RADIL: variants seen among roughly 807,000 people sequenced by gnomAD.
RADIL encodes the protein ras-associating and dilute domain-containing protein.
In RADIL, 99 loss-of-function variants were observed where a neutral mutation model predicts 97.6. That is an observed-to-expected ratio of 1.01 (90% CI 0.86 to 1.20). The LOEUF (loss-of-function observed/expected upper bound fraction) is 1.20. RADIL is among the 50% of genes most tolerant of loss of function. The pLI is 0.00. For synonymous variants in RADIL, 803 were observed against 691.8 expected (o/e 1.16, Z -2.52); for missense variants, 1,765 against 1,498.9 (o/e 1.18, Z -2.93).
rs1784405512 is a variant in RADIL, at chr7:4,877,802, C to G, written c.338G>C (p.Cys113Ser). 1 of 1,610,944 alleles carries G rather than the reference C, an allele frequency of 6.2e-7. No individual in the cohort carries two copies. The highest frequency in any genetic ancestry group is 1.7e-5 in the Admixed American group (1 of 59,998). The change falls in exon 2 of 15, where the codon TGT becomes TCT. Residue 113 changes from cysteine (C) to serine (S), a missense_variant. Transcript: ENST00000399583. ...DPRQAGQYVL[C>S]DVVGQAGDAG... is the part of the protein sequence containing the mutation. ...ATCGCCGGCTTGGCCCACCACGTCACACAGCACGTACTGGCCGGCCTGCCT... is the reference window on the plus strand; with the variant it reads ...ATCGCCGGCTTGGCCCACCACGTCAGACAGCACGTACTGGCCGGCCTGCCT...
At chr7:4,865,905 A>T in intron 2 of RADIL, 2 of 624,582 alleles carry the variant, frequency 3.2e-6, no homozygotes, top group Non-Finnish European at 5.7e-6. Context: ...TACCTTTAGC[A>T]TTCAGTATAC....
Position 4,879,180 on chromosome 7 carries a change from C to T in RADIL, c.-64-977G>A, listed in dbSNP as rs1199030696. Among the ~76,000 whole-genome samples the T allele has an allele frequency of 2.6e-5, 4 of 152,230 alleles. No individual in the cohort carries two copies. The highest frequency in any genetic ancestry group is 4.8e-5 in the African/African-American group (2 of 41,470). On this transcript the variant is annotated intron_variant, in intron 1 of 14. Transcript: ENST00000399583. The surrounding 1 kb of genome is among the most constrained non-coding windows in gnomAD (Gnocchi z 4.1). Reference sequence around the variant, plus strand: ...CCCACCACAGGCCGCGGGTGCCCGGCGCTCCAGGCCACAGAGATGCAGTCT... The same window carrying T: ...CCCACCACAGGCCGCGGGTGCCCGGTGCTCCAGGCCACAGAGATGCAGTCT...
intron 2 of RADIL, chr7:4,860,178 T>G (rs1240060072): frequency 1.2e-6 from 2 of 1,614,020 alleles, no homozygotes; most frequent in Non-Finnish European, 1.7e-6. Flanking sequence ...AATGGGCCTG[T>G]CTTCATAGTG....
intron 2 of RADIL, chr7:4,859,885 T>G (rs1783931577): frequency 1.3e-6 from 2 of 1,561,800 alleles, no homozygotes; most frequent in Admixed American, 1.7e-5. Flanking sequence ...AAGAATATCC[T>G]CTAGACTCCA....
rs1025407754 is a variant in RADIL, at chr7:4,878,908, G to A, written c.-64-705C>T. ...TCGTGTCTCCTACCCCACAGGCTGC[G>A]ACGTGGGAAATGGGTCACAAACACA... On this transcript the variant is annotated intron_variant, in intron 1 of 14. Coordinates refer to ENST00000399583, the MANE Select transcript of RADIL (RefSeq NM_018059.5). The surrounding 1 kb of genome is among the most constrained non-coding windows in gnomAD (Gnocchi z 4.1). 1.3e-5 allele frequency among the ~76,000 whole-genome samples: 2 copies of A among 152,256 alleles called. No homozygotes were observed. Among genetic ancestry groups the A allele is most frequent in the East Asian group, 1.9e-4 (1 of 5,200 alleles).
Position 4,842,657 on chromosome 7 carries a change from G to T in RADIL, c.536-6052C>A, listed in dbSNP as rs6976105. ...TCTATAAACTCAGCCGGCAGCTTTC[G>T]CCTCCTGATCCTGTTTTCTCTTCCC... On this transcript the variant is annotated intron_variant, in intron 2 of 14. Transcript: ENST00000399583. The surrounding 1 kb of genome is among the most constrained non-coding windows in gnomAD (Gnocchi z 4.5). Among the ~76,000 whole-genome samples, 5 of 151,860 alleles carry T rather than the reference G, an allele frequency of 3.3e-5. No homozygotes were observed. The highest frequency in any genetic ancestry group is 3.3e-4 in the Admixed American group (5 of 15,234).
At chr7:4,845,592 T>A (rs951392836) in intron 2 of RADIL, among the ~76,000 whole-genome samples, 1 of 152,194 alleles carries the variant, frequency 6.6e-6, no homozygotes, top group Non-Finnish European at 1.5e-5. Context: ...TGATTTCTCC[T>A]CCTTTCTCTA....
chr7:4,833,729 C>A (rs78475195), intron 4 of RADIL, among the ~76,000 whole-genome samples: 88 of 152,276 alleles, frequency 5.8e-4, no homozygotes, highest in African/African-American at 2.1e-3. Flanking sequence ...GGTCTCTGAA[C>A]GAACTTGAAC....
At position 4,852,219 on chromosome 7, in the gene RADIL, C is replaced by G. The variant is rs950901086; in HGVS notation, c.536-15614G>C. ...GAAAAATGAAGGGGGTGGCTACAGA[C>G]AGGAAGTGGCTGATAGACATGCTAC... On this transcript the variant is annotated intron_variant, in intron 2 of 14. Coordinates refer to ENST00000399583, the MANE Select transcript of RADIL (RefSeq NM_018059.5). Among the ~76,000 whole-genome samples, 4 of 152,096 alleles carry G rather than the reference C, an allele frequency of 2.6e-5. No individual in the cohort carries two copies. The East Asian group carries it at 7.7e-4, about 29-fold the overall frequency.
rs148761575 is a variant in RADIL at position 4,835,104 on chromosome 7, C to T, written c.919G>A (p.Asp307Asn). ...HCTIRRQPLP[D>N]SGQAAGRLVL... ...AGCCTCCCCGCGGCCTGGCCGCTGTCCGGGAGCGGTTGCCGGCGGATGGTG... is the reference window on the plus strand; with the variant it reads ...AGCCTCCCCGCGGCCTGGCCGCTGTTCGGGAGCGGTTGCCGGCGGATGGTG... Residue 307 changes from aspartate to asparagine, a missense_variant, in exon 4 of 15, where the codon GAC (aspartate) becomes AAC (asparagine). Transcript: ENST00000399583. This position sits in a 1 kb window ranked among gnomAD's most constrained non-coding sequence, Gnocchi z 5.8. 9.1e-3 allele frequency: 14,625 copies of T among 1,608,722 alleles called. 103 individuals carry two copies. The highest frequency in any genetic ancestry group is 9.8e-3 in the Non-Finnish European group (11,593 of 1,177,930).
chr7:4,856,703 A>G (rs1488929763), intron 2 of RADIL, among the ~76,000 whole-genome samples: 1 of 152,242 alleles, frequency 6.6e-6, no homozygotes, highest in Non-Finnish European at 1.5e-5. Context: ...TATGTTAAAT[A>G]TTACTTTTGA....
At chr7:4,871,529 C>G (rs1784254906) in intron 2 of RADIL, among the ~76,000 whole-genome samples, 1 of 152,228 alleles carries the variant, frequency 6.6e-6, no homozygotes, top group African/African-American at 2.4e-5. Flanking sequence ...AGCGACAACA[C>G]AGACCTGCCA....
At chr7:4,805,378 C>G (rs1422629776) in intron 10 of RADIL, 188 bp downstream of exon 10, 1 of 624,018 alleles carries the variant, frequency 1.6e-6, no homozygotes, top group South Asian at 5.4e-5. Context: ...CGAGGAGGTC[C>G]CCGGATCCCC....
At chr7:4,831,444 A>C (rs1783136482) in intron 5 of RADIL, among the ~76,000 whole-genome samples, 1 of 152,004 alleles carries the variant, frequency 6.6e-6, no homozygotes, top group Admixed American at 6.6e-5. Context: ...AAGGCTTAAT[A>C]CCTGGGTGAT....
chr7:4,877,679 G>A lies in RADIL; in HGVS notation c.461C>T (p.Ser154Phe), dbSNP rs767492216. Residue 154 changes from serine (S) to phenylalanine (F), a missense_variant, in exon 2 of 15, where the codon TCC (serine) becomes TTC (phenylalanine). Ser to Phe is a radical substitution (Grantham distance 155). Coordinates refer to ENST00000399583, the MANE Select transcript of RADIL (RefSeq NM_018059.5). ...QELWKPREGLSRRFELRKRSD... is the reference protein window; with the variant it reads ...QELWKPREGLFRRFELRKRSD... ...CCTCTTCCTCAGCTCAAACCTCCGG[G>A]ATAAACCTTCTCGGGGTTTCCATAA... 44 of 1,614,170 alleles carry A rather than the reference G, an allele frequency of 2.7e-5. No individual in the cohort carries two copies. Among genetic ancestry groups the A allele is most frequent in the Non-Finnish European group, 3.7e-5 (44 of 1,180,012 alleles).
At chr7:4,861,343 T>G (rs369664008) in intron 2 of RADIL, 12 of 1,613,894 alleles carry the variant, frequency 7.4e-6, no homozygotes, top group Non-Finnish European at 8.5e-6. Context: ...GTTTGATAAC[T>G]GGCACAAATG....
At chr7:4,836,715 A>T in intron 2 of RADIL, 110 bp from the exon 3 acceptor site, 2 of 1,446,676 alleles carry the variant, frequency 1.4e-6, no homozygotes, top group Non-Finnish European at 1.9e-6. Context: ...AGGTGGGGGG[A>T]TCGCCTGAGG....
At position 4,879,368 on chromosome 7, in the gene RADIL, C is replaced by T. The variant is rs557202899; in HGVS notation, c.-64-1165G>A. The stretch of plus-strand genomic sequence containing the variant: ...GCAGAGAAAAAGGAAGGCAGGTCTC[C>T]GATTTGGAAAAGGTGAGGCTGGACT... On this transcript the variant is annotated intron_variant, in intron 1 of 14. Coordinates refer to ENST00000399583, the MANE Select transcript of RADIL (RefSeq NM_018059.5). The surrounding 1 kb of genome is among the most constrained non-coding windows in gnomAD (Gnocchi z 4.1). Among the ~76,000 whole-genome samples the T allele has an allele frequency of 8.6e-4, 131 of 152,286 alleles. No individual in the cohort carries two copies. The highest frequency in any genetic ancestry group is 3.0e-3 in the African/African-American group (123 of 41,552).
chr7:4,869,159 G>A (rs763989130), intron 2 of RADIL, among the ~76,000 whole-genome samples: 17 of 152,126 alleles, frequency 1.1e-4, no homozygotes, highest in African/African-American at 1.9e-4. Context: ...AACAGATGAG[G>A]TCTTGCCCTG....
Sources: allele counts gnomAD v4.1 joint callset (sites outside exome capture counted in the v4.1 genomes callset), GRCh38; gene constraint gnomAD v4.1.1; non-coding constraint Gnocchi (gnomAD v3.1); transcripts MANE v1.5; gene names NCBI Gene and HGNC (gene_info 2026-07-23, HGNC 2026-07-21).